SLCO3A1: variants seen among roughly 807,000 people sequenced by gnomAD.
SLCO3A1 encodes PGE1 transporter.
A neutral mutation model predicts 63.1 loss-of-function variants in SLCO3A1; 27 were observed. The ratio of observed to expected loss-of-function variants is 0.43; its 90% CI spans 0.32 to 0.59. SLCO3A1 has a LOEUF of 0.59. Ranked by LOEUF, SLCO3A1 falls within the 20% of genes least tolerant of loss-of-function variation. The probability of loss-of-function intolerance (pLI) is 0.09; values close to 1 mark genes in which losing one functional copy is unlikely to be tolerated. For missense variants in SLCO3A1, 773 were observed against 945.8 expected (o/e 0.82, Z 2.40); for synonymous variants, 473 against 409.9 (o/e 1.15, Z -1.86).
chr15:91,998,189 C>T (rs1420845665), intron 2 of SLCO3A1, among the ~76,000 whole-genome samples: 2 of 152,210 alleles, frequency 1.3e-5, no homozygotes, highest in South Asian at 2.1e-4. Flanking sequence ...TGTGGTGGCT[C>T]ATGCCTGTAA....
At chr15:92,025,793 G>A (rs12102086) in intron 2 of SLCO3A1, among the ~76,000 whole-genome samples, 27,671 of 152,128 alleles carry the variant, frequency 0.18, 2,722 homozygotes, top group Non-Finnish European at 0.21. Flanking sequence ...GTGAGTGGCT[G>A]CCATCTACCT....
rs1023778377 is a variant in SLCO3A1, at chr15:91,854,669, C to G, written c.180+581C>G. Among the ~76,000 whole-genome samples the G allele has an allele frequency of 2.0e-5, 3 of 152,142 alleles. No individual in the cohort carries two copies. Among genetic ancestry groups the G allele is most frequent in the African/African-American group, 4.8e-5 (2 of 41,420 alleles). ...GGGGCTGCAGGGGGAATATTGCCAC[C>G]CGGTATCCCTATAGCCCTCTTTGAG... On this transcript the variant is annotated intron_variant, in intron 1 of 9. Coordinates refer to ENST00000318445, the MANE Select transcript of SLCO3A1 (RefSeq NM_013272.4). This position sits in a 1 kb window ranked among gnomAD's most constrained non-coding sequence, Gnocchi z 6.4.
chr15:91,889,300 A>G (rs1423380552), intron 1 of SLCO3A1: 1 of 483,212 alleles, frequency 2.1e-6, no homozygotes, highest in Non-Finnish European at 3.9e-6. Context: ...TAGCACCTGT[A>G]GGCCTCTGCT....
intron 2 of SLCO3A1, among the ~76,000 whole-genome samples, chr15:91,933,350 C>G (rs1899299580): frequency 6.6e-6 from 1 of 152,170 alleles, no homozygotes; most frequent in South Asian, 2.1e-4. Flanking sequence ...AGAATTCTAG[C>G]TTCTAAGCCT....
intron 2 of SLCO3A1, among the ~76,000 whole-genome samples, chr15:92,062,538 T>C (rs1310777686): frequency 6.6e-6 from 1 of 152,192 alleles, no homozygotes; most frequent in East Asian, 1.9e-4. Flanking sequence ...AGAAGGCAAC[T>C]CTGTTGGCAG....
chr15:92,096,333 C>T (rs187000544), intron 3 of SLCO3A1, among the ~76,000 whole-genome samples: 2 of 152,304 alleles, frequency 1.3e-5, no homozygotes, highest in Non-Finnish European at 2.9e-5. Context: ...CTCATTACTT[C>T]TGCTGTATTT....
At chr15:91,926,596 T>TGTGTGTGTGTGTGTGTGA in intron 2 of SLCO3A1, among the ~76,000 whole-genome samples, 3 of 105,318 alleles carry the variant, frequency 2.8e-5, no homozygotes, top group Non-Finnish European at 4.2e-5. Flanking sequence ...TGTGTGTGTG[T>TGTGTGTGTGTGTGTGTGA]GCGCGCGCGC....
chr15:92,150,377 A>G (rs1406498355), intron 8 of SLCO3A1, among the ~76,000 whole-genome samples: 1 of 152,196 alleles, frequency 6.6e-6, no homozygotes, highest in African/African-American at 2.4e-5. Context: ...CCCAGGATCA[A>G]TACTTTGCAT....
At chr15:92,017,179 G>C (rs934507334) in intron 2 of SLCO3A1, among the ~76,000 whole-genome samples, 3 of 152,176 alleles carry the variant, frequency 2.0e-5, no homozygotes. Context: ...CTGCTGCAGG[G>C]AGATTAGGGA....
intron 3 of SLCO3A1, among the ~76,000 whole-genome samples, chr15:92,103,769 G>A (rs1433595843): frequency 6.6e-6 from 1 of 151,916 alleles, no homozygotes; most frequent in Non-Finnish European, 1.5e-5. Flanking sequence ...CTTCAACCCA[G>A]GCAGCCTGGC....
intron 1 of SLCO3A1, among the ~76,000 whole-genome samples, chr15:91,906,155 G>A (rs1040534602): frequency 1.3e-5 from 2 of 152,134 alleles, no homozygotes; most frequent in African/African-American, 4.8e-5. Context: ...TACGTAAAGC[G>A]CTCCATACTG....
chr15:91,983,576 G>C (rs931881026), intron 2 of SLCO3A1, among the ~76,000 whole-genome samples: 11 of 152,154 alleles, frequency 7.2e-5, no homozygotes, highest in African/African-American at 2.7e-4. Flanking sequence ...TTTCTCCTGA[G>C]AGCTCAGCTC....
intron 2 of SLCO3A1, among the ~76,000 whole-genome samples, chr15:92,022,788 G>A (rs2046526258): frequency 6.6e-6 from 1 of 152,196 alleles, no homozygotes; most frequent in Admixed American, 6.5e-5. Context: ...AAAACAGTAG[G>A]TAACATCTGC....
intron 8 of SLCO3A1, among the ~76,000 whole-genome samples, chr15:92,148,346 T>G (rs1316349618): frequency 1.3e-5 from 2 of 152,200 alleles, no homozygotes; most frequent in Non-Finnish European, 2.9e-5. Flanking sequence ...CACCTCTACT[T>G]TATCCAGCTT....
intron 2 of SLCO3A1, among the ~76,000 whole-genome samples, chr15:92,064,815 A>G (rs542601410): frequency 8.5e-5 from 13 of 152,318 alleles, no homozygotes; most frequent in Non-Finnish European, 1.9e-4. Context: ...AGCTAAAAAC[A>G]CTGATTTCAT....
At chr15:92,063,570 A>T (rs555100523) in intron 2 of SLCO3A1, among the ~76,000 whole-genome samples, 19 of 152,282 alleles carry the variant, frequency 1.2e-4, no homozygotes, top group African/African-American at 4.6e-4. Flanking sequence ...GAAACTTTTT[A>T]AAAAATGGGC....
chr15:91,890,096 A>G (rs763219397), intron 1 of SLCO3A1, among the ~76,000 whole-genome samples: 1 of 152,234 alleles, frequency 6.6e-6, no homozygotes, highest in Non-Finnish European at 1.5e-5. Context: ...TAACATGTGG[A>G]ATATAGTAGG....
chr15:91,989,150 G>A (rs764839414), intron 2 of SLCO3A1, among the ~76,000 whole-genome samples: 2 of 152,088 alleles, frequency 1.3e-5, no homozygotes, highest in Admixed American at 6.6e-5. Flanking sequence ...CTGTGCCTTC[G>A]CATAAGTGTC....
intron 1 of SLCO3A1, among the ~76,000 whole-genome samples, chr15:91,880,197 C>CTATCTATCTATCTATCT (rs1753177439): frequency 1.3e-5 from 2 of 151,046 alleles, no homozygotes; most frequent in Admixed American, 1.3e-4. Flanking sequence ...ATCTATCTAT[C>CTATCTATCTATCTATCT]ATCCTGAGAT....
Sources: allele counts gnomAD v4.1 joint callset (sites outside exome capture counted in the v4.1 genomes callset), GRCh38; gene constraint gnomAD v4.1.1; non-coding constraint Gnocchi (gnomAD v3.1); transcripts MANE v1.5; gene names NCBI Gene and HGNC (gene_info 2026-07-23, HGNC 2026-07-21).